Variants in COG5 observed in about 807,000 individuals in gnomAD.
COG5 encodes component of oligomeric golgi complex 5, also known as conserved oligomeric Golgi complex subunit 5.
A neutral mutation model predicts 110.4 loss-of-function variants in COG5; 86 were observed. That is an observed-to-expected ratio of 0.78 (90% CI 0.65 to 0.93). The LOEUF (loss-of-function observed/expected upper bound fraction) is 0.93, where lower values mean the gene tolerates loss of function less well. Among genes scored for constraint, COG5 ranks in the 40% least tolerant of loss-of-function variants. The pLI is 0.00. For synonymous variants in COG5, 360 were observed against 334.6 expected, an observed-to-expected ratio of 1.08 and a Z score of -0.83; for missense variants, 1,077 against 987.0, an observed-to-expected ratio of 1.09 and a Z score of -1.22.
At chr7:107,399,403 T>C (rs750549773) in intron 7 of COG5, among the ~76,000 whole-genome samples, 2 of 147,030 alleles carry the variant, frequency 1.4e-5, no homozygotes, top group Non-Finnish European at 3.0e-5. Flanking sequence ...GGGAGGTGAT[T>C]GGATCATGGG....
chr7:107,513,230 G>A (rs1462623130), intron 6 of COG5, among the ~76,000 whole-genome samples: 10 of 152,092 alleles, frequency 6.6e-5, no homozygotes, highest in Admixed American at 5.2e-4. Flanking sequence ...ATCAAAAAGT[G>A]GGCAAAGGAT....
At chr7:107,303,861 T>A (rs1171904543) in intron 11 of COG5, among the ~76,000 whole-genome samples, 1 of 152,196 alleles carries the variant, frequency 6.6e-6, no homozygotes, top group Non-Finnish European at 1.5e-5. Flanking sequence ...GATAATCAAA[T>A]AATTTATACA....
intron 6 of COG5, among the ~76,000 whole-genome samples, chr7:107,497,818 G>A (rs1375001977): frequency 6.6e-6 from 1 of 151,972 alleles, no homozygotes; most frequent in Admixed American, 6.6e-5. Context: ...AACCACAGAA[G>A]ACCCTGAATA....
chr7:107,491,166 A>G (rs1797952745), intron 6 of COG5, among the ~76,000 whole-genome samples: 1 of 152,178 alleles, frequency 6.6e-6, no homozygotes, highest in African/African-American at 2.4e-5. Context: ...CAAAAACAAC[A>G]GCATACAAAC....
intron 2 of COG5, 92 bp from the exon 3 acceptor site, chr7:107,554,434 A>C: frequency 9.0e-7 from 1 of 1,112,620 alleles, no homozygotes; most frequent in South Asian, 1.3e-5. Context: ...CTTGGTGTAG[A>C]AACGAGGCAA....
In COG5 at chr7:107,460,346, T is replaced by C. The variant is rs534243677; in HGVS notation, c.539-47714A>G. 6.6e-5 allele frequency among the ~76,000 whole-genome samples: 10 copies of C among 151,940 alleles called. No homozygotes were observed. The East Asian group carries it at 1.6e-3, about 24-fold the overall frequency. ...TGAGCCCAGGAGGTCGAGGCTACAG[T>C]GACCAGTAATCGTACCACCCTGGGT... On this transcript the variant is annotated intron_variant, in intron 6 of 21. Coordinates refer to ENST00000297135, the MANE Select transcript of COG5 (RefSeq NM_006348.5).
In COG5 at chr7:107,302,723, A is replaced by ACAT. The variant is rs549091845; in HGVS notation, c.1109-4380_1109-4378dup. On this transcript the variant is annotated intron_variant, in intron 11 of 21. Coordinates refer to ENST00000297135, the MANE Select transcript of COG5 (RefSeq NM_006348.5). ...GCAAGAAATCTTGAGAGATATGGTA[A>ACAT]CATCATCCTGCAGACAGATAGCAGA... is the stretch of plus-strand genomic sequence containing the variant. Among the ~76,000 whole-genome samples the ACAT allele has an allele frequency of 1.4e-4, 21 of 152,304 alleles. No homozygotes were observed. In the East Asian group the frequency reaches 4.1e-3, roughly 29 times the overall value.
chr7:107,523,641 C>G (rs866364857), intron 6 of COG5, among the ~76,000 whole-genome samples: 1 of 151,944 alleles, frequency 6.6e-6, no homozygotes, highest in Non-Finnish European at 1.5e-5. Flanking sequence ...ATGGTGAAAC[C>G]CCGTCTCTAC....
chr7:107,500,204 A>C (rs1328465589), intron 6 of COG5, among the ~76,000 whole-genome samples: 2 of 152,140 alleles, frequency 1.3e-5, no homozygotes, highest in African/African-American at 4.8e-5. Flanking sequence ...TTGAAAAATA[A>C]GATTCTATCC....
At chr7:107,222,047 G>A (rs73415417) in intron 19 of COG5, among the ~76,000 whole-genome samples, 2,816 of 152,242 alleles carry the variant, frequency 0.018, 78 homozygotes, top group African/African-American at 0.064. Flanking sequence ...GGAGACAGAC[G>A]AGGAGAGGGA....
At chr7:107,285,377 G>A (rs1584621266) in intron 12 of COG5, among the ~76,000 whole-genome samples, 1 of 152,048 alleles carries the variant, frequency 6.6e-6, no homozygotes, top group East Asian at 1.9e-4. Flanking sequence ...AGAAATTTTG[G>A]CACTGAATTA....
At chr7:107,363,701 A>T (rs1813338960) in intron 8 of COG5, among the ~76,000 whole-genome samples, 1 of 152,186 alleles carries the variant, frequency 6.6e-6, no homozygotes, top group South Asian at 2.1e-4. Context: ...TCATGCATGT[A>T]ATCCCAGAAC....
At position 107,344,020 on chromosome 7, in the gene COG5, A is replaced by G. The variant is rs190476038; in HGVS notation, c.1026+18013T>C. On this transcript the variant is annotated intron_variant, in intron 10 of 21. Coordinates refer to ENST00000297135, the MANE Select transcript of COG5 (RefSeq NM_006348.5). ...TAGCATCATTCTTAAAGGCCCTAGG[A>G]TTTGTGGAATGGTAAATTAGCACTG... 1.2e-3 allele frequency among the ~76,000 whole-genome samples: 176 copies of G among 152,228 alleles called. 3 individuals carry two copies. The highest frequency in any genetic ancestry group is 5.9e-4 in the Admixed American group (9 of 15,288).
rs2129063741 is a variant in COG5, at chr7:107,407,136, C to G, written c.669+5366G>C. On this transcript the variant is annotated intron_variant, in intron 7 of 21. Transcript: ENST00000297135. ...GTGGCTCACGCCTGTAATCCCAGCA[C>G]TTTGGGAGACAGAGGCGGGTCGATC... Among the ~76,000 whole-genome samples, 2 of 152,314 alleles carry G rather than the reference C, an allele frequency of 1.3e-5. 1 individual carries two copies. Among genetic ancestry groups the G allele is most frequent in the Admixed American group, 1.3e-4 (2 of 15,294 alleles).
chr7:107,288,602 C>T (rs1458007629), intron 12 of COG5, among the ~76,000 whole-genome samples: 1 of 151,886 alleles, frequency 6.6e-6, no homozygotes, highest in African/African-American at 2.4e-5. Flanking sequence ...TCTATGTTTT[C>T]TGGAGATGTC....
At chr7:107,299,723 G>C (rs1052987425) in intron 11 of COG5, among the ~76,000 whole-genome samples, 23 of 150,468 alleles carry the variant, frequency 1.5e-4, no homozygotes, top group Non-Finnish European at 2.8e-4. Flanking sequence ...ATCAAGATAG[G>C]TGCAAGAATT....
chr7:107,294,464 G>A lies in COG5; in HGVS notation c.1313+3678C>T, dbSNP rs976102052. Among the ~76,000 whole-genome samples, 3 of 152,072 alleles carry A rather than the reference G, an allele frequency of 2.0e-5. 1 individual carries two copies. The highest frequency in any genetic ancestry group is 4.1e-4 in the South Asian group (2 of 4,826). On this transcript the variant is annotated intron_variant, in intron 12 of 21. Coordinates refer to ENST00000297135, the MANE Select transcript of COG5 (RefSeq NM_006348.5). ...CCAACTCTGTGCTGGCCCCCCCTAA[G>A]TTGTCTACATAGCAGTCAGAGTGCT...
chr7:107,211,300 C>A (rs1799157230), intron 19 of COG5, 75 bp from the exon 20 acceptor site: 1 of 1,525,416 alleles, frequency 6.6e-7, no homozygotes. Context: ...AATCATTCTC[C>A]TTGTAGAATA....
rs2116373300 is a variant in COG5 at position 107,227,726 on chromosome 7, C to CTTTA, written c.2168+2888_2168+2889insTAAA. Among the ~76,000 whole-genome samples the CTTTA allele has an allele frequency of 2.0e-5, 3 of 150,966 alleles. No individual in the cohort carries two copies. In the South Asian group the frequency reaches 6.3e-4, roughly 32 times the overall value. On this transcript the variant is annotated intron_variant, in intron 19 of 21. Transcript: ENST00000297135. ...TGGGGCGGGGGGTGTGGGTGGTGGG[C>CTTTA]GGTAAAGGGTCTCAGTCTGTCACCA...
Sources: gnomAD v4.1 joint callset for allele counts (sites outside exome capture counted in the v4.1 genomes callset) on GRCh38, gnomAD v4.1.1 for gene constraint, MANE v1.5 for transcripts, NCBI Gene and HGNC (gene_info 2026-07-23, HGNC 2026-07-21) for gene names.